The following SLC8A1 variants were observed in gnomAD, a reference collection of about 807,000 sequenced individuals.
SLC8A1 encodes the protein solute carrier family 8 member A1, also known as sodium/calcium exchanger 1.
In SLC8A1, 18 loss-of-function variants were observed where a neutral mutation model predicts 68.3. That is an observed-to-expected ratio of 0.26 (90% CI 0.18 to 0.39). SLC8A1 has a LOEUF of 0.39. SLC8A1 is among the 10% of genes least tolerant of loss of function. The pLI is 1.00. For missense variants in SLC8A1, 985 were observed against 1,156.7 expected (o/e 0.85, Z 2.15); for synonymous variants, 475 against 415.5 (o/e 1.14, Z -1.74).
At chr2:40,279,846 C>T (rs932382509) in intron 2 of SLC8A1, among the ~76,000 whole-genome samples, 2 of 152,294 alleles carry the variant, frequency 1.3e-5, no homozygotes, top group Non-Finnish European at 2.9e-5. Flanking sequence ...TGTAGCTCAC[C>T]AATCTCCTAT....
intron 2 of SLC8A1, among the ~76,000 whole-genome samples, chr2:40,288,573 C>T (rs1271991605): frequency 6.6e-6 from 1 of 152,038 alleles, no homozygotes; most frequent in Non-Finnish European, 1.5e-5. Flanking sequence ...TGTTGTGCTG[C>T]AGCCAGTTCA....
chr2:40,263,988 C>G (rs1374815458), intron 2 of SLC8A1, among the ~76,000 whole-genome samples: 7 of 152,072 alleles, frequency 4.6e-5, no homozygotes, highest in Admixed American at 1.3e-4. Flanking sequence ...ACAATGAACT[C>G]AAACAAATTT....
At chr2:40,494,942 T>G (rs149067355) in intron 1 of SLC8A1, among the ~76,000 whole-genome samples, 1 of 151,824 alleles carries the variant, frequency 6.6e-6, no homozygotes, top group Non-Finnish European at 1.5e-5. Context: ...AGTGATATTT[T>G]TATTATTATC....
intron 2 of SLC8A1, among the ~76,000 whole-genome samples, chr2:40,248,506 GCCAGAGCCTAGA>G (rs1387951575): frequency 1.3e-5 from 2 of 152,170 alleles, no homozygotes; most frequent in Non-Finnish European, 2.9e-5. Flanking sequence ...CACTGACTCT[GCCAGAGCCTAGA>G]CCTTGGACTT....
exon 8 of SLC8A1, chr2:40,104,562 T>C (rs1309337898): frequency 2.0e-5 from 3 of 152,158 alleles, no homozygotes; most frequent in East Asian, 3.8e-4. Context: ...CAATCTCAAA[T>C]TGATAAAATG....
intron 2 of SLC8A1, among the ~76,000 whole-genome samples, chr2:40,330,775 T>C (rs2076328783): frequency 6.6e-6 from 1 of 152,208 alleles, no homozygotes; most frequent in Admixed American, 6.5e-5. Context: ...TGCTAAATAA[T>C]TGACTGATCA....
At chr2:40,262,904 A>G (rs1200548322) in intron 2 of SLC8A1, among the ~76,000 whole-genome samples, 1 of 152,242 alleles carries the variant, frequency 6.6e-6, no homozygotes, top group Non-Finnish European at 1.5e-5. Context: ...GTGGGAACAT[A>G]GGATGAAGTG....
At chr2:40,415,859 TAC>T (rs70957173) in intron 2 of SLC8A1, among the ~76,000 whole-genome samples, 15,395 of 113,152 alleles carry the variant, frequency 0.14, 962 homozygotes, top group Non-Finnish European at 0.16. Context: ...ACTAAAAGTA[TAC>T]ACACACACAC....
At chr2:40,318,152 G>A (rs2074719482) in intron 2 of SLC8A1, among the ~76,000 whole-genome samples, 1 of 151,954 alleles carries the variant, frequency 6.6e-6, no homozygotes, top group South Asian at 2.1e-4. Context: ...GCTGGAACTG[G>A]GCTAAGTTTG....
intron 2 of SLC8A1, among the ~76,000 whole-genome samples, chr2:40,314,978 T>C (rs978005695): frequency 6.6e-6 from 1 of 151,936 alleles, no homozygotes; most frequent in South Asian, 2.1e-4. Flanking sequence ...CTGGATGTAA[T>C]TTTTTTTCTT....
At chr2:40,287,385 T>C (rs1311308769) in intron 2 of SLC8A1, among the ~76,000 whole-genome samples, 1 of 152,218 alleles carries the variant, frequency 6.6e-6, no homozygotes, top group East Asian at 1.9e-4. Flanking sequence ...TTCTCAGTGA[T>C]GTAATAGGAG....
At chr2:40,428,956 A>C (rs1697606797) in exon 2 of SLC8A1, 1 of 1,613,766 alleles carries the variant, frequency 6.2e-7, no homozygotes, top group Non-Finnish European at 8.5e-7. Context: ...TCTGAAGTCA[A>C]CAAACACAGT....
chr2:40,231,438 G>A (rs1293727049), intron 2 of SLC8A1, among the ~76,000 whole-genome samples: 1 of 152,048 alleles, frequency 6.6e-6, no homozygotes, highest in Non-Finnish European at 1.5e-5. Flanking sequence ...TGATACTTTG[G>A]AGGGTGGCTG....
intron 2 of SLC8A1, among the ~76,000 whole-genome samples, chr2:40,268,406 CAT>C (rs1455515810): frequency 6.6e-6 from 1 of 152,102 alleles, no homozygotes; most frequent in Non-Finnish European, 1.5e-5. Flanking sequence ...TTGCCTCTAA[CAT>C]TTTTCATGCA....
intron 2 of SLC8A1, among the ~76,000 whole-genome samples, chr2:40,327,224 G>C (rs2075925189): frequency 6.6e-6 from 1 of 152,046 alleles, no homozygotes. Flanking sequence ...TAATTTGATA[G>C]TCTTCATAGT....
At chr2:40,259,078 A>G (rs950673288) in intron 2 of SLC8A1, among the ~76,000 whole-genome samples, 9 of 152,284 alleles carry the variant, frequency 5.9e-5, no homozygotes, top group Non-Finnish European at 1.2e-4. Context: ...AGGTGTTACT[A>G]TTAGTACTTT....
At chr2:40,375,522 T>C (rs555573153) in intron 2 of SLC8A1, among the ~76,000 whole-genome samples, 15 of 152,242 alleles carry the variant, frequency 9.9e-5, no homozygotes, top group African/African-American at 2.9e-4. Flanking sequence ...TGGTATCAAA[T>C]ACCATAAAGT....
At chr2:40,181,798 ACC>A (rs1320187132) in intron 2 of SLC8A1, among the ~76,000 whole-genome samples, 3 of 152,200 alleles carry the variant, frequency 2.0e-5, no homozygotes, top group African/African-American at 7.2e-5. Context: ...GGTGAAATAA[ACC>A]AATGTAATTT....
chr2:40,310,268 C>G (rs929032618), intron 2 of SLC8A1, among the ~76,000 whole-genome samples: 1 of 152,162 alleles, frequency 6.6e-6, no homozygotes, highest in African/African-American at 2.4e-5. Context: ...TCACAGGCAG[C>G]ACATTTACGG....
Sources: gnomAD v4.1 joint callset for allele counts (sites outside exome capture counted in the v4.1 genomes callset) on GRCh38, gnomAD v4.1.1 for gene constraint, MANE v1.5 for transcripts, NCBI Gene and HGNC (gene_info 2026-07-23, HGNC 2026-07-21) for gene names.